The following CUBN variants were observed in gnomAD, a reference collection of about 807,000 sequenced individuals.
CUBN encodes cubilin.
A neutral mutation model predicts 405.3 loss-of-function variants in CUBN; 282 were observed. That is an observed-to-expected ratio of 0.70 (90% CI 0.63 to 0.77). The LOEUF (loss-of-function observed/expected upper bound fraction) is 0.77, where lower values mean the gene tolerates loss of function less well. Among genes scored for constraint, CUBN ranks in the 30% least tolerant of loss-of-function variants. The pLI, the probability that CUBN is intolerant of heterozygous loss-of-function variation, is 0.00. For synonymous variants in CUBN, 1,684 were observed against 1,617.0 expected, an observed-to-expected ratio of 1.04 and a Z score of -0.99; for missense variants, 4,514 against 4,475.2, an observed-to-expected ratio of 1.01 and a Z score of -0.25.
At position 16,940,376 on chromosome 10, in the gene CUBN, C is replaced by T. The variant is rs536223207; in HGVS notation, c.5343-139G>A. The T allele has an allele frequency of 1.2e-4, 95 of 817,596 alleles. 1 individual carries two copies. In the South Asian group the frequency reaches 1.5e-3, roughly 13 times the overall value. The allele number at this position is 817,596 out of a possible 1,614,324, so 50.6% of individuals were successfully genotyped here. ...TGATCACAACATTATTTGGCTGTCT[C>T]AAAAAATTTCTTTCACTCGGACTTG... is the stretch of plus-strand genomic sequence containing the variant. On this transcript the variant is annotated intron_variant, in intron 36 of 66. Coordinates refer to ENST00000377833, the MANE Select transcript of CUBN (RefSeq NM_001081.4).
At chr10:17,056,116 A>C (rs2131832044) in intron 22 of CUBN, among the ~76,000 whole-genome samples, 1 of 152,268 alleles carries the variant, frequency 6.6e-6, no homozygotes, top group African/African-American at 2.4e-5. Flanking sequence ...GCAGACCTAC[A>C]CATGAACACA....
rs78393850 is a variant in CUBN at position 16,862,786 on chromosome 10, C to T, written c.9454+6850G>A. ...TAATTTAACCCAAAATAACCAGTTA[C>T]CTGCGACAAAACTAGGTCGCGTCTT... On this transcript the variant is annotated intron_variant, in intron 59 of 66. Coordinates refer to ENST00000377833, the MANE Select transcript of CUBN (RefSeq NM_001081.4). 6.8e-3 allele frequency among the ~76,000 whole-genome samples: 1,038 copies of T among 152,254 alleles called. 12 individuals are homozygous for T. The highest frequency in any genetic ancestry group is 0.023 in the African/African-American group (962 of 41,538).
chr10:17,114,971 C>T (rs1273713645), intron 7 of CUBN, among the ~76,000 whole-genome samples: 1 of 152,186 alleles, frequency 6.6e-6, no homozygotes, highest in South Asian at 2.1e-4. Flanking sequence ...CGGCCGGGCA[C>T]GGTGGCTCAT....
intron 31 of CUBN, among the ~76,000 whole-genome samples, chr10:16,967,643 G>C (rs1707278): frequency 0.31 from 47,082 of 151,582 alleles, 7,803 homozygotes; most frequent in Middle Eastern, 0.44. Context: ...AAATTCCTGT[G>C]GTGGGGCGTA....
intron 6 of CUBN, 148 bp from the exon 7 acceptor site, chr10:17,115,745 G>A (rs886744865): frequency 4.2e-6 from 4 of 948,904 alleles, no homozygotes; most frequent in Non-Finnish European, 6.6e-6. Context: ...ACTGACTGGA[G>A]TCTCGGGAGA....
chr10:16,938,812 A>G, intron 38 of CUBN, 151 bp downstream of exon 38: 7 of 680,026 alleles, frequency 1.0e-5, no homozygotes, highest in African/African-American at 3.6e-5. Context: ...GCCTTTGTCC[A>G]TGTAATCTAG....
At chr10:16,950,298 T>G (rs887897695) in intron 33 of CUBN, among the ~76,000 whole-genome samples, 187 bp from the exon 34 acceptor site, 2 of 152,074 alleles carry the variant, frequency 1.3e-5, no homozygotes, top group Non-Finnish European at 2.9e-5. Context: ...TAAAAATAAT[T>G]AAAAGAGTAG....
chr10:16,992,776 T>C (rs1187437124), intron 28 of CUBN, among the ~76,000 whole-genome samples: 1 of 152,202 alleles, frequency 6.6e-6, no homozygotes, highest in Non-Finnish European at 1.5e-5. Context: ...CTTTCCTGTG[T>C]CCTAAAAAGT....
At chr10:16,882,136 A>C (rs893902344) in intron 56 of CUBN, among the ~76,000 whole-genome samples, 1 of 152,198 alleles carries the variant, frequency 6.6e-6, no homozygotes, top group African/African-American at 2.4e-5. Flanking sequence ...TGGATATCAC[A>C]GTTGAGTTTA....
chr10:17,075,059 T>C (rs1020107877), intron 17 of CUBN, among the ~76,000 whole-genome samples: 6 of 148,666 alleles, frequency 4.0e-5, no homozygotes, highest in African/African-American at 1.5e-4. Context: ...AAAGAGAAGA[T>C]TTTTCTTTGT....
At position 17,041,971 on chromosome 10, in the gene CUBN, T is replaced by C. The variant is rs1344955232; in HGVS notation, c.3830-751A>G. ...GGGTGCCCAGTTCAGCCAATCCTAA[T>C]GACTTAAACAAGGAATATATTATCT... On this transcript the variant is annotated intron_variant, in intron 26 of 66. Coordinates refer to ENST00000377833, the MANE Select transcript of CUBN (RefSeq NM_001081.4). Among the ~76,000 whole-genome samples, 3 of 152,278 alleles carry C rather than the reference T, an allele frequency of 2.0e-5. No individual in the cohort carries two copies. In the East Asian group the frequency reaches 5.8e-4, roughly 29 times the overall value.
intron 48 of CUBN, among the ~76,000 whole-genome samples, chr10:16,910,561 G>A (rs1400875611): frequency 6.6e-6 from 1 of 151,918 alleles, no homozygotes; most frequent in Non-Finnish European, 1.5e-5. Flanking sequence ...AAGAGTCAGG[G>A]CCCCCTCATG....
At chr10:16,835,459 G>C (rs186537544) in intron 63 of CUBN, among the ~76,000 whole-genome samples, 35 of 152,264 alleles carry the variant, frequency 2.3e-4, no homozygotes, top group Middle Eastern at 3.4e-3. Flanking sequence ...CTTTAAAGAC[G>C]AATACTCGAG....
chr10:17,027,097 C>G (rs989578216), intron 27 of CUBN, among the ~76,000 whole-genome samples: 1 of 152,206 alleles, frequency 6.6e-6, no homozygotes, highest in South Asian at 2.1e-4. Context: ...TCTGCTCTTA[C>G]TAGAATTTAC....
intron 24 of CUBN, among the ~76,000 whole-genome samples, 173 bp from the exon 25 acceptor site, chr10:17,045,361 T>C (rs145800090): frequency 1.0e-5 from 1 of 96,278 alleles, no homozygotes; most frequent in East Asian, 2.1e-4. Flanking sequence ...TTTTTTTCTA[T>C]TTTTTTTTTT....
rs753688197 is a variant in CUBN at position 16,874,435 on chromosome 10, G to A, written c.9175C>T (p.Pro3059Ser). ...GTATACAGACAGTGCATATCATTTG[G>A]GTAGTCTGCGTATGAATAGGCAGGA... The part of the protein sequence containing the change: ...TSPAYSYADY[P>S]NDMHCLYTIT... The change falls in exon 58 of 67, where the codon CCA (proline) becomes TCA (serine). Residue 3059 changes from proline (P) to serine (S), a missense_variant. By Grantham distance (74) the Pro-to-Ser change is moderately conservative. Transcript: ENST00000377833. 1.2e-6 allele frequency: 2 copies of A among 1,613,994 alleles called. No individual in the cohort carries two copies. Among genetic ancestry groups the A allele is most frequent in the Admixed American group, 3.3e-5 (2 of 60,012 alleles).
intron 60 of CUBN, among the ~76,000 whole-genome samples, chr10:16,842,052 T>TC (rs976216993): frequency 3.3e-5 from 5 of 151,370 alleles, no homozygotes; most frequent in African/African-American, 7.3e-5. Context: ...TATTTAGCTT[T>TC]TTTTTTTTTT....
intron 17 of CUBN, among the ~76,000 whole-genome samples, chr10:17,078,752 T>G (rs1835907242): frequency 6.6e-6 from 1 of 152,190 alleles, no homozygotes; most frequent in African/African-American, 2.4e-5. Context: ...TATCTTGCCT[T>G]TAGTAACACA....
chr10:16,991,636 T>C (rs565347363), intron 28 of CUBN, among the ~76,000 whole-genome samples: 2 of 151,624 alleles, frequency 1.3e-5, no homozygotes, highest in Non-Finnish European at 2.9e-5. Context: ...TTTCTGTTTT[T>C]TTTTTTTTTT....
Sources: gnomAD v4.1 joint callset for allele counts (sites outside exome capture counted in the v4.1 genomes callset) on GRCh38, gnomAD v4.1.1 for gene constraint, MANE v1.5 for transcripts, NCBI Gene and HGNC (gene_info 2026-07-23, HGNC 2026-07-21) for gene names.